Variants in STAG1 observed in about 807,000 individuals in gnomAD.
STAG1 encodes the protein cohesin subunit SA-1.
A neutral mutation model predicts 170.9 loss-of-function variants in STAG1; 26 were observed. That is an observed-to-expected ratio of 0.15 (90% CI 0.11 to 0.21). STAG1 has a LOEUF of 0.21. STAG1 is among the 10% of genes least tolerant of loss of function. The pLI is 1.00. For synonymous variants in STAG1, 514 were observed against 497.7 expected (o/e 1.03, Z -0.44); for missense variants, 964 against 1,509.5 (o/e 0.64, Z 5.99).
chr3:136,397,850 CA>C (rs562604422), intron 22 of STAG1, among the ~76,000 whole-genome samples: 210 of 143,260 alleles, frequency 1.5e-3, no homozygotes, highest in African/African-American at 3.5e-3. Context: ...CATTAAAATT[CA>C]AAAAAAAAAA....
intron 4 of STAG1, among the ~76,000 whole-genome samples, chr3:136,574,852 C>T (rs767910019): frequency 2.6e-5 from 4 of 152,174 alleles, no homozygotes; most frequent in Admixed American, 1.3e-4. Flanking sequence ...TTAACACCAA[C>T]AATTACAGAA....
intron 22 of STAG1, among the ~76,000 whole-genome samples, chr3:136,398,434 T>C (rs955608702): frequency 6.6e-6 from 1 of 152,114 alleles, no homozygotes; most frequent in African/African-American, 2.4e-5. Flanking sequence ...TTATTCTTTT[T>C]AATAGCATGT....
At chr3:136,722,322 G>C (rs944115911) in intron 1 of STAG1, among the ~76,000 whole-genome samples, 3 of 152,078 alleles carry the variant, frequency 2.0e-5, no homozygotes, top group Non-Finnish European at 2.9e-5. Context: ...TTATACTTTA[G>C]TTTTCTGTAT....
intron 14 of STAG1, among the ~76,000 whole-genome samples, chr3:136,449,414 A>G (rs1448865021): frequency 1.3e-5 from 2 of 152,176 alleles, no homozygotes; most frequent in African/African-American, 4.8e-5. Flanking sequence ...TACAAAAATT[A>G]GCCAAGCATG....
At chr3:136,628,132 T>C (rs755762754) in intron 2 of STAG1, among the ~76,000 whole-genome samples, 6 of 152,142 alleles carry the variant, frequency 3.9e-5, no homozygotes, top group Non-Finnish European at 7.3e-5. Context: ...GTTGTTGTGA[T>C]AGTGAGTTCT....
chr3:136,675,858 T>C (rs954994651), intron 1 of STAG1, among the ~76,000 whole-genome samples: 1 of 152,244 alleles, frequency 6.6e-6, no homozygotes, highest in Admixed American at 6.5e-5. Context: ...AACTGATGAA[T>C]AAACACTCCA....
At chr3:136,668,269 CATAATATATATTATACATGATAT>C (rs1559940129) in intron 1 of STAG1, among the ~76,000 whole-genome samples, 1 of 146,038 alleles carries the variant, frequency 6.8e-6, no homozygotes, top group Non-Finnish European at 1.5e-5. Context: ...ATATATTATA[CATAATATATATTATACATGATAT>C]ATAATATATA....
chr3:136,561,817 A>AT (rs62726661), intron 5 of STAG1, among the ~76,000 whole-genome samples: 65,613 of 146,844 alleles, frequency 0.45, 16,863 homozygotes, highest in African/African-American at 0.73. Flanking sequence ...GGGTTAAAAC[A>AT]TTTTTTTTTT....
chr3:136,444,439 G>T (rs1307834790), intron 14 of STAG1, among the ~76,000 whole-genome samples: 1 of 152,088 alleles, frequency 6.6e-6, no homozygotes, highest in Non-Finnish European at 1.5e-5. Flanking sequence ...GCATTGTTCT[G>T]GTTTCTGCTA....
At chr3:136,660,500 T>C (rs1941542892) in intron 1 of STAG1, among the ~76,000 whole-genome samples, 2 of 152,094 alleles carry the variant, frequency 1.3e-5, no homozygotes, top group Admixed American at 1.3e-4. Context: ...ACAAATAGGA[T>C]AATTAGACAA....
chr3:136,634,921 A>G (rs1335669981), intron 1 of STAG1, among the ~76,000 whole-genome samples: 1 of 152,198 alleles, frequency 6.6e-6, no homozygotes, highest in East Asian at 1.9e-4. Flanking sequence ...CTAGAAATGC[A>G]CAAATCGTCA....
chr3:136,602,008 T>C (rs1234496949), intron 4 of STAG1, among the ~76,000 whole-genome samples: 2 of 152,144 alleles, frequency 1.3e-5, no homozygotes, highest in Non-Finnish European at 2.9e-5. Context: ...AAATAAGGAC[T>C]GGCATTAAGC....
intron 1 of STAG1, among the ~76,000 whole-genome samples, chr3:136,686,298 T>C (rs1422358952): frequency 6.6e-6 from 1 of 152,242 alleles, no homozygotes. Context: ...AAGCATCAAC[T>C]ATCCTGAATT....
At chr3:136,500,343 T>C in intron 8 of STAG1, 47 bp from the exon 9 acceptor site, 1 of 1,294,542 alleles carries the variant, frequency 7.7e-7, no homozygotes, top group Non-Finnish European at 1.1e-6. Flanking sequence ...TCATTTTATT[T>C]GGAAGGAACA....
chr3:136,523,974 G>A lies in STAG1; in HGVS notation c.472-2557C>T, dbSNP rs141865805. On this transcript the variant is annotated intron_variant, in intron 6 of 33. Transcript: ENST00000383202. ...TCTACATCTCTGTTTTGGTACCAGT[G>A]CCATGCTGTTTTGGTTACTGTAGCC... Among the ~76,000 whole-genome samples the A allele has an allele frequency of 4.8e-3, 709 of 146,640 alleles. 11 individuals are homozygous for A. The East Asian group carries it at 0.056, about 12-fold the overall frequency.
chr3:136,535,104 C>G (rs1389244190), intron 6 of STAG1, among the ~76,000 whole-genome samples: 1 of 152,146 alleles, frequency 6.6e-6, no homozygotes, highest in Non-Finnish European at 1.5e-5. Context: ...ATGAATAGAA[C>G]TGGACATCCT....
chr3:136,396,630 C>G (rs557966251), intron 22 of STAG1, among the ~76,000 whole-genome samples: 2 of 142,746 alleles, frequency 1.4e-5, no homozygotes, highest in African/African-American at 5.3e-5. Flanking sequence ...CGAGTTCAAG[C>G]GATTCTTCTG....
chr3:136,395,755 G>A (rs918747869), intron 22 of STAG1, among the ~76,000 whole-genome samples: 10 of 152,146 alleles, frequency 6.6e-5, no homozygotes, highest in African/African-American at 2.4e-4. Flanking sequence ...TAGCCAAAAT[G>A]CAAGTAACTC....
intron 1 of STAG1, among the ~76,000 whole-genome samples, chr3:136,687,249 A>T (rs1336213983): frequency 3.3e-5 from 5 of 152,230 alleles, no homozygotes; most frequent in Non-Finnish European, 7.3e-5. Flanking sequence ...TTCCATCTAC[A>T]GTCTGTGTGT....
Sources: gnomAD v4.1 joint callset for allele counts (sites outside exome capture counted in the v4.1 genomes callset) on GRCh38, gnomAD v4.1.1 for gene constraint, MANE v1.5 for transcripts, NCBI Gene and HGNC (gene_info 2026-07-23, HGNC 2026-07-21) for gene names.